The following NCOA6 variants were observed in gnomAD, a reference collection of about 807,000 sequenced individuals.
The protein encoded by NCOA6 is NRC RAP250.
Under a neutral mutation model 171.4 loss-of-function variants are expected in NCOA6, and 49 were observed. The observed-to-expected ratio is 0.29, with a 90% confidence interval of 0.23 to 0.36. NCOA6 has a LOEUF of 0.36. Ranked by LOEUF, NCOA6 falls within the 10% of genes least tolerant of loss-of-function variation. The pLI is 1.00. For missense variants in NCOA6, 2,248 were observed against 2,554.5 expected, an observed-to-expected ratio of 0.88 and a Z score of 2.59; for synonymous variants, 910 against 927.5, an observed-to-expected ratio of 0.98 and a Z score of 0.34.
At chr20:34,731,051 A>G (rs1990552835) in intron 13 of NCOA6, among the ~76,000 whole-genome samples, 3 of 147,758 alleles carry the variant, frequency 2.0e-5, no homozygotes, top group Admixed American at 2.0e-4. Flanking sequence ...ACAGAATTTC[A>G]CTCTGTCGCC....
chr20:34,804,286 G>A (rs1259539764), intron 1 of NCOA6, among the ~76,000 whole-genome samples: 1 of 151,774 alleles, frequency 6.6e-6, no homozygotes, highest in Non-Finnish European at 1.5e-5. Flanking sequence ...GCAGTAAGCC[G>A]AGATCACGCC....
chr20:34,724,596 G>C (rs1162565988), intron 14 of NCOA6, among the ~76,000 whole-genome samples: 1 of 152,134 alleles, frequency 6.6e-6, no homozygotes, highest in African/African-American at 2.4e-5. Flanking sequence ...GAATGATCTG[G>C]TCACTGCCTC....
intron 14 of NCOA6, among the ~76,000 whole-genome samples, chr20:34,721,872 A>G (rs962328800): frequency 6.6e-6 from 1 of 151,534 alleles, no homozygotes; most frequent in Non-Finnish European, 1.5e-5. Context: ...CCTGGGCAAC[A>G]TGGTGAGTCC....
chr20:34,745,618 C>T (rs188175491), intron 10 of NCOA6, among the ~76,000 whole-genome samples: 13 of 152,290 alleles, frequency 8.5e-5, no homozygotes, highest in African/African-American at 2.4e-4. Context: ...TTAAAGGTTA[C>T]TCCTAAAATA....
chr20:34,725,452 A>T lies in NCOA6; in HGVS notation c.6148+1807T>A, dbSNP rs187806670. On this transcript the variant is annotated intron_variant, in intron 14 of 14. Coordinates refer to ENST00000359003, the MANE Select transcript of NCOA6 (RefSeq NM_014071.5). ...AAGAGCACTCCCTGCAGTAGCTGCA[A>T]CATATGCACAGGCTTGTGATCAGAG... Among the ~76,000 whole-genome samples the T allele has an allele frequency of 6.8e-4, 104 of 152,328 alleles. 2 individuals carry two copies. Among genetic ancestry groups the T allele is most frequent in the African/African-American group, 2.2e-3 (92 of 41,572 alleles).
chr20:34,772,382 C>T (rs1052184650), intron 4 of NCOA6, among the ~76,000 whole-genome samples: 1 of 151,604 alleles, frequency 6.6e-6, no homozygotes, highest in Non-Finnish European at 1.5e-5. Context: ...ATCATTTATA[C>T]ATAAAATAGT....
rs1330129179 is a variant in NCOA6, at chr20:34,815,855, G to T, written c.-164+9617C>A. Among the ~76,000 whole-genome samples, 3 of 152,164 alleles carry T rather than the reference G, an allele frequency of 2.0e-5. No homozygotes were observed. In the East Asian group the frequency reaches 5.8e-4, roughly 29 times the overall value. On this transcript the variant is annotated intron_variant, in intron 1 of 14. Transcript: ENST00000359003. ...CATTGACCATCTGTTTTTCTACAGGGTGTTTACTTATCCATGATCACCTGA... is the reference window on the plus strand; with the variant it reads ...CATTGACCATCTGTTTTTCTACAGGTTGTTTACTTATCCATGATCACCTGA...
At chr20:34,761,434 C>G (rs1057277882) in intron 5 of NCOA6, among the ~76,000 whole-genome samples, 1 of 150,790 alleles carries the variant, frequency 6.6e-6, no homozygotes, top group Non-Finnish European at 1.5e-5. Context: ...ATTTATAATG[C>G]ATTTTTACGT....
intron 14 of NCOA6, among the ~76,000 whole-genome samples, chr20:34,722,464 G>GTATCTCTCCC (rs1451167645): frequency 1.3e-4 from 19 of 151,962 alleles, no homozygotes; most frequent in African/African-American, 4.3e-4. Context: ...AGGATCACTT[G>GTATCTCTCCC]AGGCTAGGAG....
chr20:34,783,646 CAG>C lies in NCOA6; in HGVS notation c.-49-1244_-49-1243del, dbSNP rs1201070607. Among the ~76,000 whole-genome samples the C allele has an allele frequency of 3.3e-5, 5 of 152,000 alleles. No homozygotes were observed. In the East Asian group the frequency reaches 7.7e-4, roughly 23 times the overall value. ...ACATTGATTGATTGATTGATTGAGACAGAGTCTCACTTTTTTGCCCAGGCTGC... is the reference window on the plus strand; with the variant it reads ...ACATTGATTGATTGATTGATTGAGACAGTCTCACTTTTTTGCCCAGGCTGC... On this transcript the variant is annotated intron_variant, in intron 2 of 14. Coordinates refer to ENST00000359003, the MANE Select transcript of NCOA6 (RefSeq NM_014071.5).
chr20:34,744,495 T>C (rs1407120109), intron 10 of NCOA6, among the ~76,000 whole-genome samples: 1 of 151,982 alleles, frequency 6.6e-6, no homozygotes, highest in Non-Finnish European at 1.5e-5. Context: ...TTTAAGAAGG[T>C]GTAGGAATAA....
At chr20:34,802,638 G>A (rs1426540022) in intron 1 of NCOA6, among the ~76,000 whole-genome samples, 2 of 151,840 alleles carry the variant, frequency 1.3e-5, no homozygotes, top group African/African-American at 2.4e-5. Flanking sequence ...ATATAAAAAC[G>A]AAATAATACT....
intron 1 of NCOA6, among the ~76,000 whole-genome samples, chr20:34,801,391 GA>G (rs1224261739): frequency 6.6e-6 from 1 of 151,934 alleles, no homozygotes; most frequent in Non-Finnish European, 1.5e-5. Context: ...GAATACACAA[GA>G]TCAGTGAAAT....
At chr20:34,725,562 G>C (rs779893907) in intron 14 of NCOA6, among the ~76,000 whole-genome samples, 13 of 152,202 alleles carry the variant, frequency 8.5e-5, no homozygotes, top group Non-Finnish European at 1.5e-4. Context: ...GAAGCTTGTG[G>C]GGTAGGTTGA....
chr20:34,790,340 A>G (rs534831321), intron 2 of NCOA6, among the ~76,000 whole-genome samples: 8 of 152,058 alleles, frequency 5.3e-5, no homozygotes, highest in African/African-American at 1.9e-4. Flanking sequence ...CCATTTATTT[A>G]TTTTATTATT....
intron 1 of NCOA6, among the ~76,000 whole-genome samples, chr20:34,812,628 C>T (rs553599190): frequency 1.6e-4 from 25 of 152,006 alleles, no homozygotes; most frequent in Middle Eastern, 3.4e-3. Context: ...ATTTTTCCCA[C>T]GTTGTTACAT....
Position 34,767,586 on chromosome 20 carries a change from G to A in NCOA6, c.514+878C>T, listed in dbSNP as rs150903950. 7.6e-4 allele frequency among the ~76,000 whole-genome samples: 116 copies of A among 152,244 alleles called. 2 individuals are homozygous for A. Among genetic ancestry groups the A allele is most frequent in the African/African-American group, 2.2e-3 (93 of 41,558 alleles). On this transcript the variant is annotated intron_variant, in intron 5 of 14. Transcript: ENST00000359003. ...GCTGAGACTACAGGCATGACCAATCGTGCCCGGCCAAGACTAGCATCTTAT... is the reference window on the plus strand; with the variant it reads ...GCTGAGACTACAGGCATGACCAATCATGCCCGGCCAAGACTAGCATCTTAT...
chr20:34,768,158 G>A (rs919638952), intron 5 of NCOA6, among the ~76,000 whole-genome samples: 4 of 152,092 alleles, frequency 2.6e-5, no homozygotes, highest in Admixed American at 2.6e-4. Context: ...AATAATGAGG[G>A]TAGAAAATGT....
At chr20:34,787,284 G>A (rs1027386624) in intron 2 of NCOA6, among the ~76,000 whole-genome samples, 2 of 152,022 alleles carry the variant, frequency 1.3e-5, no homozygotes, top group East Asian at 3.9e-4. Context: ...AGCACTTTGG[G>A]AGGCTGAGGT....
Sources: allele counts gnomAD v4.1 joint callset (sites outside exome capture counted in the v4.1 genomes callset), GRCh38; gene constraint gnomAD v4.1.1; transcripts MANE v1.5; gene names NCBI Gene and HGNC (gene_info 2026-07-23, HGNC 2026-07-21).